The following KCNQ3 variants were observed in gnomAD, a reference collection of about 807,000 sequenced individuals.
KCNQ3 encodes the protein potassium voltage-gated channel subfamily KQT member 3.
Under a neutral mutation model 92.5 loss-of-function variants are expected in KCNQ3, and 30 were observed. The observed-to-expected ratio is 0.32, with a 90% CI of 0.24 to 0.44. The LOEUF is 0.44. Among genes scored for constraint, KCNQ3 ranks in the 20% least tolerant of loss-of-function variants. The pLI, the probability that KCNQ3 is intolerant of heterozygous loss-of-function variation, is 1.00. For synonymous variants in KCNQ3, 450 were observed against 468.8 expected, an observed-to-expected ratio of 0.96 and a Z score of 0.52; for missense variants, 913 against 1,140.3, an observed-to-expected ratio of 0.80 and a Z score of 2.87.
intron 1 of KCNQ3, among the ~76,000 whole-genome samples, chr8:132,441,795 G>A (rs1242248977): frequency 2.0e-5 from 3 of 151,974 alleles, no homozygotes; most frequent in South Asian, 2.1e-4. Flanking sequence ...ATTTTTTGAC[G>A]TTTTAATAGC....
At chr8:132,334,142 T>C (rs1252841992) in intron 1 of KCNQ3, among the ~76,000 whole-genome samples, 2 of 152,116 alleles carry the variant, frequency 1.3e-5, no homozygotes, top group Non-Finnish European at 2.9e-5. Flanking sequence ...TCTTCCCATA[T>C]TGTTGGGCAT....
chr8:132,391,063 A>T (rs1007031573), intron 1 of KCNQ3, among the ~76,000 whole-genome samples: 1 of 152,200 alleles, frequency 6.6e-6, no homozygotes, highest in Non-Finnish European at 1.5e-5. Flanking sequence ...GAATAAGTGG[A>T]TATTACCACT....
At chr8:132,147,619 A>C (rs1032740427) in intron 9 of KCNQ3, among the ~76,000 whole-genome samples, 1 of 152,180 alleles carries the variant, frequency 6.6e-6, no homozygotes, top group African/African-American at 2.4e-5. Flanking sequence ...TGGATAAATA[A>C]ATGGATGATA....
At chr8:132,392,525 C>G (rs1820076711) in intron 1 of KCNQ3, among the ~76,000 whole-genome samples, 1 of 151,396 alleles carries the variant, frequency 6.6e-6, no homozygotes, top group Non-Finnish European at 1.5e-5. Context: ...GCTCACTCCT[C>G]TCTCTCTCTC....
chr8:132,473,784 A>G (rs551123038), intron 1 of KCNQ3, among the ~76,000 whole-genome samples: 7 of 152,240 alleles, frequency 4.6e-5, no homozygotes, highest in African/African-American at 1.7e-4. Context: ...AATTGGGAAG[A>G]CTCTGCATTA....
At chr8:132,256,831 G>T (rs1283421957) in intron 1 of KCNQ3, among the ~76,000 whole-genome samples, 2 of 152,120 alleles carry the variant, frequency 1.3e-5, no homozygotes, top group Admixed American at 1.3e-4. Flanking sequence ...CAAAAAATTT[G>T]CTGCTTGCAG....
intron 1 of KCNQ3, among the ~76,000 whole-genome samples, chr8:132,443,715 C>A (rs916525243): frequency 6.6e-6 from 1 of 152,038 alleles, no homozygotes; most frequent in Non-Finnish European, 1.5e-5. Context: ...GTTTCATTTT[C>A]TTAATTTTGC....
At chr8:132,387,904 T>C (rs961242432) in intron 1 of KCNQ3, among the ~76,000 whole-genome samples, 1 of 150,644 alleles carries the variant, frequency 6.6e-6, no homozygotes, top group Admixed American at 6.6e-5. Context: ...CATGATCGCC[T>C]CACTATACTC....
intron 1 of KCNQ3, among the ~76,000 whole-genome samples, chr8:132,260,870 C>T (rs761441536): frequency 2.0e-5 from 3 of 152,032 alleles, no homozygotes; most frequent in East Asian, 1.9e-4. Flanking sequence ...TCCATCTGTG[C>T]ATCCAACCAT....
At position 132,281,562 on chromosome 8, in the gene KCNQ3, AT is replaced by A. The variant is rs1563839032; in HGVS notation, c.387-95382del. 8.5e-5 allele frequency among the ~76,000 whole-genome samples: 13 copies of A among 152,082 alleles called. No homozygotes were observed. In the East Asian group the frequency reaches 2.3e-3, roughly 27 times the overall value. On this transcript the variant is annotated intron_variant, in intron 1 of 14. Transcript: ENST00000388996. The stretch of plus-strand genomic sequence containing the variant: ...TATATGTGTGTGTATATATATATAT[AT>A]ATGAAATGAATATGGACCTACTTCA...
chr8:132,125,560 TC>T lies in KCNQ3; in HGVS notation c.*3701del, dbSNP rs1162817898. The T allele has an allele frequency of 1.3e-5, 2 of 152,216 alleles. No homozygotes were observed. Among genetic ancestry groups the T allele is most frequent in the African/African-American group, 4.8e-5 (2 of 41,464 alleles). The allele number at this position is 152,216 out of a possible 1,614,324, so 9.4% of individuals were successfully genotyped here. On this transcript the variant is annotated 3_prime_UTR_variant, in exon 15 of 15. Transcript: ENST00000388996. Reference sequence around the variant, plus strand: ...TTAAATGAATAAACAAATGATTTTTTCTTTATTACACCCCCATTTCAGTAGC... The same window carrying T: ...TTAAATGAATAAACAAATGATTTTTTTTTATTACACCCCCATTTCAGTAGC...
At chr8:132,209,544 A>ACAC (rs1554631921) in intron 1 of KCNQ3, among the ~76,000 whole-genome samples, 3,338 of 135,416 alleles carry the variant, frequency 0.025, 97 homozygotes, top group African/African-American at 0.074. Context: ...CACACACACA[A>ACAC]ACACACACAC....
At chr8:132,216,714 G>A (rs1814041930) in intron 1 of KCNQ3, among the ~76,000 whole-genome samples, 1 of 152,152 alleles carries the variant, frequency 6.6e-6, no homozygotes, top group Non-Finnish European at 1.5e-5. Flanking sequence ...GCTGCACAGA[G>A]GGATGGTACA....
In KCNQ3 at chr8:132,127,557, TG is replaced by T. The variant is rs1176190465; in HGVS notation, c.*1704del. On this transcript the variant is annotated 3_prime_UTR_variant, in exon 15 of 15. Coordinates refer to ENST00000388996, the MANE Select transcript of KCNQ3 (RefSeq NM_004519.4). ...AACCAAATGTCTGCCATAGCTACTG[TG>T]GCTCTTGACAAGACTGTGAGGGAGA... 1.3e-5 allele frequency: 2 copies of T among 152,350 alleles called. No homozygotes were observed. The highest frequency in any genetic ancestry group is 3.9e-4 in the East Asian group (2 of 5,190). The allele number at this position is 152,350 out of a possible 1,614,324, so 9.4% of individuals were successfully genotyped here.
chr8:132,467,123 T>C (rs764354400), intron 1 of KCNQ3, among the ~76,000 whole-genome samples: 1 of 152,136 alleles, frequency 6.6e-6, no homozygotes, highest in Non-Finnish European at 1.5e-5. Context: ...GAGCAAACTG[T>C]GGCCACTAGA....
chr8:132,340,795 A>T (rs977457080), intron 1 of KCNQ3, among the ~76,000 whole-genome samples: 3 of 152,338 alleles, frequency 2.0e-5, no homozygotes, highest in African/African-American at 7.2e-5. Flanking sequence ...TAAAATAAAA[A>T]AAGAAATTCA....
Position 132,121,576 on chromosome 8 carries a change from C to T in KCNQ3, c.*7686G>A, listed in dbSNP as rs560364753. 1 of 152,314 alleles carries T rather than the reference C, an allele frequency of 6.6e-6. No homozygotes were observed. The highest frequency in any genetic ancestry group is 1.9e-4 in the East Asian group (1 of 5,178). 9.4% of individuals were successfully genotyped at this position (152,314 alleles called of 1,614,324 possible). On this transcript the variant is annotated 3_prime_UTR_variant, in exon 15 of 15. Transcript: ENST00000388996. ...GAGGGGTATAGAAGGGCCCAATTAC[C>T]AGATCAGGTTGGCTTCCATGGGAAA...
chr8:132,413,965 G>T (rs1820724652), intron 1 of KCNQ3, among the ~76,000 whole-genome samples: 1 of 152,172 alleles, frequency 6.6e-6, no homozygotes, highest in African/African-American at 2.4e-5. Context: ...GACTGGTGAT[G>T]AATTATTCAT....
chr8:132,398,423 A>G lies in KCNQ3; in HGVS notation c.386+81724T>C, dbSNP rs551785526. ...AAGAAACCAACTTACACTGGCTTTT[A>G]TTTTTAAGTGGCATTTTCTTAAATG... On this transcript the variant is annotated intron_variant, in intron 1 of 14. Coordinates refer to ENST00000388996, the MANE Select transcript of KCNQ3 (RefSeq NM_004519.4). 6.4e-4 allele frequency among the ~76,000 whole-genome samples: 98 copies of G among 152,294 alleles called. No individual in the cohort carries two copies. The Middle Eastern group carries it at 0.01, about 16-fold the overall frequency.
Sources: allele counts gnomAD v4.1 joint callset (sites outside exome capture counted in the v4.1 genomes callset), GRCh38; gene constraint gnomAD v4.1.1; transcripts MANE v1.5; gene names NCBI Gene and HGNC (gene_info 2026-07-23, HGNC 2026-07-21).